The following PCSK5 variants were observed in gnomAD, a reference collection of about 807,000 sequenced individuals.
PCSK5 encodes prohormone convertase 5.
In PCSK5, 129 loss-of-function variants were observed where a neutral mutation model predicts 233.2. That is an observed-to-expected ratio of 0.55 (90% CI 0.48 to 0.64). The LOEUF (loss-of-function observed/expected upper bound fraction) is 0.64. PCSK5 is among the 30% of genes least tolerant of loss of function. The probability of loss-of-function intolerance (pLI) is 0.00; values close to 1 mark genes in which losing one functional copy is unlikely to be tolerated. For missense variants in PCSK5, 2,076 were observed against 2,430.1 expected, an observed-to-expected ratio of 0.85 and a Z score of 3.06; for synonymous variants, 825 against 879.2, an observed-to-expected ratio of 0.94 and a Z score of 1.09.
At chr9:76,148,491 T>C (rs183739147) in intron 10 of PCSK5, among the ~76,000 whole-genome samples, 34 of 152,188 alleles carry the variant, frequency 2.2e-4, no homozygotes, top group Admixed American at 9.2e-4. Context: ...GTCTTCAACA[T>C]TGACTTCATC....
chr9:75,960,450 CAA>C (rs1334587194), intron 2 of PCSK5, among the ~76,000 whole-genome samples: 3 of 151,920 alleles, frequency 2.0e-5, no homozygotes, highest in Admixed American at 2.0e-4. Flanking sequence ...AGAAGCAAGA[CAA>C]GAGAGAGACT....
chr9:75,896,972 C>T (rs890545226), intron 1 of PCSK5, among the ~76,000 whole-genome samples: 5 of 152,048 alleles, frequency 3.3e-5, no homozygotes, highest in South Asian at 2.1e-4. Flanking sequence ...AAAATTAGAT[C>T]GGAAAGAAAA....
chr9:76,116,351 T>A (rs190464982), intron 9 of PCSK5, among the ~76,000 whole-genome samples: 184 of 152,276 alleles, frequency 1.2e-3, no homozygotes, highest in Non-Finnish European at 1.8e-3. Flanking sequence ...ATTTCTCTAT[T>A]CATAATTCTG....
intron 5 of PCSK5, among the ~76,000 whole-genome samples, chr9:76,054,291 C>T (rs118145543): frequency 0.021 from 3,224 of 152,290 alleles, 48 homozygotes; most frequent in Middle Eastern, 0.048. Context: ...TTCATCATTC[C>T]TTGCAACATT....
At chr9:75,924,713 C>T (rs1444378690) in intron 1 of PCSK5, among the ~76,000 whole-genome samples, 1 of 152,116 alleles carries the variant, frequency 6.6e-6, no homozygotes, top group East Asian at 1.9e-4. Flanking sequence ...AGAAAATATC[C>T]CCTCTCTGTA....
intron 35 of PCSK5, among the ~76,000 whole-genome samples, chr9:76,345,169 CTTATTTTATTTTA>C (rs916863423): frequency 5.3e-5 from 8 of 150,566 alleles, no homozygotes; most frequent in Middle Eastern, 3.4e-3. Flanking sequence ...CTATTGTTCC[CTTATTTTATTTTA>C]TTATTTTATT....
At chr9:76,021,441 A>G (rs1828184296) in intron 3 of PCSK5, among the ~76,000 whole-genome samples, 1 of 152,102 alleles carries the variant, frequency 6.6e-6, no homozygotes, top group African/African-American at 2.4e-5. Flanking sequence ...GTTAAGAGGT[A>G]GGTCCATAGC....
chr9:75,984,785 T>G (rs1374362223), intron 2 of PCSK5, among the ~76,000 whole-genome samples: 1 of 152,178 alleles, frequency 6.6e-6, no homozygotes, highest in Admixed American at 6.5e-5. Flanking sequence ...AATAAATGAG[T>G]GAATGAACCT....
intron 20 of PCSK5, among the ~76,000 whole-genome samples, chr9:76,220,700 T>C (rs1430931365): frequency 6.6e-6 from 1 of 152,096 alleles, no homozygotes; most frequent in African/African-American, 2.4e-5. Context: ...GAAATATGTA[T>C]ACATTATGGA....
At chr9:76,004,096 C>T (rs186767071) in intron 3 of PCSK5, among the ~76,000 whole-genome samples, 1 of 152,256 alleles carries the variant, frequency 6.6e-6, no homozygotes, top group Non-Finnish European at 1.5e-5. Flanking sequence ...CCGTGTCCAG[C>T]TTGTGCCATC....
chr9:76,259,977 T>C (rs1827116596), intron 24 of PCSK5, among the ~76,000 whole-genome samples: 1 of 152,204 alleles, frequency 6.6e-6, no homozygotes, highest in Non-Finnish European at 1.5e-5. Flanking sequence ...CACTTCTCCC[T>C]ATTTAGCCAG....
intron 8 of PCSK5, among the ~76,000 whole-genome samples, chr9:76,097,242 A>ATTTC (rs1831562402): frequency 7.0e-5 from 4 of 56,770 alleles, no homozygotes; most frequent in Admixed American, 2.0e-4. Context: ...CAAAAAGTGC[A>ATTTC]TTTCTTTTTT....
rs534401576 is a variant in PCSK5 at position 76,276,658 on chromosome 9, A to G, written c.3143-15575A>G. On this transcript the variant is annotated intron_variant, in intron 24 of 37. Coordinates refer to ENST00000674117, the MANE Select transcript of PCSK5 (RefSeq NM_001372043.1). ...CATTCGAATCTCTACTCAGATGTCAATTCTTGCAAGACACGGCCTCACTAG... is the reference window on the plus strand; with the variant it reads ...CATTCGAATCTCTACTCAGATGTCAGTTCTTGCAAGACACGGCCTCACTAG... Among the ~76,000 whole-genome samples, 39 of 152,206 alleles carry G rather than the reference A, an allele frequency of 2.6e-4. 1 individual carries two copies. The South Asian group carries it at 7.1e-3, about 28-fold the overall frequency.
At chr9:76,165,584 AT>A (rs1424493529) in intron 12 of PCSK5, among the ~76,000 whole-genome samples, 1 of 152,216 alleles carries the variant, frequency 6.6e-6, no homozygotes, top group Admixed American at 6.5e-5. Flanking sequence ...ACTTGCAGGG[AT>A]AGGGCTGTGG....
chr9:75,976,526 G>A (rs1477100220), intron 2 of PCSK5, among the ~76,000 whole-genome samples: 1 of 151,810 alleles, frequency 6.6e-6, no homozygotes, highest in South Asian at 2.1e-4. Flanking sequence ...AGCAAGTTTT[G>A]GGAGCGACAT....
chr9:75,973,224 A>G (rs56764648), intron 2 of PCSK5, among the ~76,000 whole-genome samples: 11 of 152,104 alleles, frequency 7.2e-5, no homozygotes, highest in Non-Finnish European at 1.5e-4. Context: ...TTCTCTACCC[A>G]TTGGAAGTCA....
chr9:76,009,021 A>G (rs574297780), intron 3 of PCSK5, among the ~76,000 whole-genome samples: 1 of 152,322 alleles, frequency 6.6e-6, no homozygotes, highest in African/African-American at 2.4e-5. Flanking sequence ...TGAAATTCAA[A>G]TTTAACTGGA....
chr9:76,359,434 G>A lies in PCSK5; in HGVS notation c.*512G>A, dbSNP rs1830387332. The stretch of plus-strand genomic sequence containing the variant: ...TTAGGCAGAAATTTGTTTTGTAAGG[G>A]CCAAGAAAAGAGGGCTCTTATCAAT... On this transcript the variant is annotated 3_prime_UTR_variant, in exon 38 of 38. Transcript: ENST00000674117. 1 of 160,936 alleles carries A rather than the reference G, an allele frequency of 6.2e-6. No individual in the cohort carries two copies. The highest frequency in any genetic ancestry group is 1.4e-5 in the Non-Finnish European group (1 of 72,910). The allele number at this position is 160,936 out of a possible 1,614,324, so 10.0% of individuals were successfully genotyped here.
chr9:76,180,029 A>ATTT (rs1823779826), intron 15 of PCSK5, among the ~76,000 whole-genome samples: 1 of 147,286 alleles, frequency 6.8e-6, no homozygotes, highest in Non-Finnish European at 1.5e-5. Flanking sequence ...ATTGACAAGT[A>ATTT]AAAACTGCAT....
Sources: allele counts gnomAD v4.1 joint callset (sites outside exome capture counted in the v4.1 genomes callset), GRCh38; gene constraint gnomAD v4.1.1; transcripts MANE v1.5; gene names NCBI Gene and HGNC (gene_info 2026-07-23, HGNC 2026-07-21).